The following STK17A variants were observed in gnomAD, a reference collection of about 807,000 sequenced individuals.
STK17A encodes serine/threonine kinase 17a, also known as serine/threonine-protein kinase 17A.
In STK17A, 26 loss-of-function variants were observed where a neutral mutation model predicts 43.7. The observed-to-expected ratio is 0.60, with a 90% confidence interval of 0.44 to 0.83. The LOEUF is 0.83. Ranked by LOEUF, STK17A falls within the 40% of genes least tolerant of loss-of-function variation. STK17A has a pLI of 0.00. For synonymous variants in STK17A, 191 were observed against 182.5 expected (o/e 1.05, Z -0.38); for missense variants, 476 against 511.6 (o/e 0.93, Z 0.67).
intron 2 of STK17A, among the ~76,000 whole-genome samples, chr7:43,597,016 T>G (rs892603418): frequency 6.6e-6 from 1 of 151,752 alleles, no homozygotes. Flanking sequence ...AATAATTAAT[T>G]TAAAAAAACA....
intron 6 of STK17A, among the ~76,000 whole-genome samples, 176 bp from the exon 7 acceptor site, chr7:43,624,342 C>T (rs2084255960): frequency 6.6e-6 from 1 of 152,124 alleles, no homozygotes; most frequent in Non-Finnish European, 1.5e-5. Flanking sequence ...AAATTTTCAG[C>T]ATTGTGGGAA....
intron 2 of STK17A, among the ~76,000 whole-genome samples, chr7:43,604,566 G>A (rs2082576366): frequency 6.6e-6 from 1 of 152,118 alleles, no homozygotes; most frequent in Admixed American, 6.6e-5. Context: ...AGAAGTCTGT[G>A]ATCATTCTTA....
At position 43,608,344 on chromosome 7, in the gene STK17A, A is replaced by G. The variant is rs371239772; in HGVS notation, c.508A>G (p.Ile170Val). Residue 170 changes from isoleucine (I) to valine (V), a missense_variant, in exon 3 of 7, where the codon ATT (isoleucine) becomes GTT (valine). Transcript: ENST00000319357. The part of the protein sequence containing the change: ...EKDVQRLMRQ[I>V]LEGVHFLHTR... ...AGATGTTCAAAGACTTATGCGACAG[A>G]TTTTAGAAGGTGTTCACTTTTTACA... 2 of 1,614,010 alleles carry G rather than the reference A, an allele frequency of 1.2e-6. No individual in the cohort carries two copies. The highest frequency in any genetic ancestry group is 1.7e-6 in the Non-Finnish European group (2 of 1,180,022).
intron 1 of STK17A, among the ~76,000 whole-genome samples, chr7:43,586,023 A>G (rs1437753782): frequency 6.6e-6 from 1 of 151,548 alleles, no homozygotes; most frequent in African/African-American, 2.4e-5. Flanking sequence ...TAACATAGCT[A>G]AGTGTGTCTC....
chr7:43,583,205 A>G lies in STK17A; in HGVS notation c.-39A>G. 1 of 1,550,622 alleles carries G rather than the reference A, an allele frequency of 6.4e-7. No homozygotes were observed. Among genetic ancestry groups the G allele is most frequent in the Non-Finnish European group, 8.7e-7 (1 of 1,149,958 alleles). ...GGTCCGTGACCCTCCGGCTGCTCGG[A>G]GTGAACAGGCGGCCAGGAAAGAAGC... On this transcript the variant is annotated 5_prime_UTR_variant, in exon 1 of 7. Coordinates refer to ENST00000319357, the MANE Select transcript of STK17A (RefSeq NM_004760.3).
chr7:43,618,718 C>T (rs985460363), intron 3 of STK17A, among the ~76,000 whole-genome samples: 3 of 152,262 alleles, frequency 2.0e-5, no homozygotes, highest in South Asian at 4.1e-4. Flanking sequence ...TTATTTTCCA[C>T]TGGGTAAAAA....
At chr7:43,606,016 GA>G (rs2152972175) in intron 2 of STK17A, among the ~76,000 whole-genome samples, 1 of 145,556 alleles carries the variant, frequency 6.9e-6, no homozygotes, top group South Asian at 2.1e-4. Flanking sequence ...ATCTTTCCAA[GA>G]TTTTTTTTTT....
chr7:43,583,542 GAAGTGGCGTTGCTGCTGCCGA>G (rs1456526214), intron 1 of STK17A, 93 bp downstream of exon 1: 1 of 1,085,812 alleles, frequency 9.2e-7, no homozygotes, highest in Non-Finnish European at 1.2e-6. Context: ...CGGCGAGGCT[GAAGTGGCGTTGCTGCTGCCGA>G]TAACGCGCGT....
chr7:43,591,425 A>C (rs749396815), intron 1 of STK17A, among the ~76,000 whole-genome samples: 11 of 151,536 alleles, frequency 7.3e-5, no homozygotes, highest in Non-Finnish European at 1.6e-4. Context: ...AGTGGACTTG[A>C]GTCATTGCTG....
At chr7:43,613,144 T>G (rs777198850) in intron 3 of STK17A, among the ~76,000 whole-genome samples, 5 of 152,182 alleles carry the variant, frequency 3.3e-5, no homozygotes, top group African/African-American at 7.2e-5. Context: ...TCAAATGGTG[T>G]TGTACTGGTT....
intron 1 of STK17A, 151 bp downstream of exon 1, chr7:43,583,600 G>A: frequency 1.4e-6 from 1 of 699,492 alleles, no homozygotes; most frequent in Non-Finnish European, 2.0e-6. Flanking sequence ...CTTGGGTGCC[G>A]ACGGCAAGTA....
At chr7:43,605,331 A>C (rs1316021768) in intron 2 of STK17A, among the ~76,000 whole-genome samples, 2 of 152,192 alleles carry the variant, frequency 1.3e-5, no homozygotes, top group African/African-American at 2.4e-5. Flanking sequence ...CTTGTAGATC[A>C]GTTTGGTTAG....
intron 2 of STK17A, among the ~76,000 whole-genome samples, chr7:43,601,766 T>G (rs564581591): frequency 6.6e-6 from 1 of 152,294 alleles, no homozygotes; most frequent in East Asian, 1.9e-4. Flanking sequence ...TGTGTGTCCC[T>G]CCTCCTGTGC....
intron 1 of STK17A, 117 bp from the exon 2 acceptor site, chr7:43,595,784 T>C (rs1304142592): frequency 7.1e-6 from 6 of 841,498 alleles, no homozygotes; most frequent in Non-Finnish European, 1.1e-5. Flanking sequence ...TCTACTTTTG[T>C]GATTGTATAT....
intron 2 of STK17A, among the ~76,000 whole-genome samples, chr7:43,607,420 G>A (rs957544387): frequency 5.9e-5 from 9 of 151,740 alleles, no homozygotes; most frequent in African/African-American, 2.2e-4. Context: ...AGCCCAGGGT[G>A]GGTGGCTCAC....
chr7:43,597,552 A>G (rs1248350757), intron 2 of STK17A, among the ~76,000 whole-genome samples: 6 of 152,052 alleles, frequency 3.9e-5, no homozygotes. Flanking sequence ...TGCCTGGCTA[A>G]TTTTTTGTAT....
Position 43,619,551 on chromosome 7 carries a change from T to G in STK17A, c.565-46T>G, listed in dbSNP as rs1563162860. ...TTTATGGGCTGCATGTTTTGTGTAC[T>G]TAATCATAGTTATATTGATTTTTGC... is the stretch of plus-strand genomic sequence containing the variant. On this transcript the variant is annotated intron_variant, in intron 3 of 6. Transcript: ENST00000319357. The G allele has an allele frequency of 1.9e-6, 3 of 1,595,224 alleles. No individual in the cohort carries two copies. The South Asian group carries it at 3.4e-5, about 18-fold the overall frequency.
At position 43,620,213 on chromosome 7, in the gene STK17A, G is replaced by A. The variant is rs28707410; in HGVS notation, c.691+490G>A. Among the ~76,000 whole-genome samples, 1,078 of 152,316 alleles carry A rather than the reference G, an allele frequency of 7.1e-3. 10 individuals are homozygous for A. The highest frequency in any genetic ancestry group is 0.025 in the African/African-American group (1,022 of 41,562). ...TGAAGGTAGCAGCAAGAAAGCAGCT[G>A]AATGATGATACTCCATGGGTGTAGG... On this transcript the variant is annotated intron_variant, in intron 4 of 6. Transcript: ENST00000319357.
rs1300490892 is a variant in STK17A, at chr7:43,594,031, C to T, written c.207-1870C>T. On this transcript the variant is annotated intron_variant, in intron 1 of 6. Transcript: ENST00000319357. ...AATAATAATGATGTAATGCTTTGAT[C>T]GATTATACCTGGATTAGTTGCTTCA... is the stretch of plus-strand genomic sequence containing the variant. 3.3e-5 allele frequency among the ~76,000 whole-genome samples: 5 copies of T among 152,124 alleles called. No individual in the cohort carries two copies. The East Asian group carries it at 7.7e-4, about 23-fold the overall frequency.
Sources: allele counts gnomAD v4.1 joint callset (sites outside exome capture counted in the v4.1 genomes callset), GRCh38; gene constraint gnomAD v4.1.1; transcripts MANE v1.5; gene names NCBI Gene and HGNC (gene_info 2026-07-23, HGNC 2026-07-21).